The following LYPD6 variants were observed in gnomAD, a reference collection of about 807,000 sequenced individuals.
LYPD6 encodes the protein ly6/PLAUR domain-containing protein 6.
A neutral mutation model predicts 22.7 loss-of-function variants in LYPD6; 15 were observed. The observed-to-expected ratio is 0.66, with a 90% CI of 0.44 to 1.02. The LOEUF is 1.02. Among genes scored for constraint, LYPD6 ranks in the 50% least tolerant of loss-of-function variants. The probability of loss-of-function intolerance (pLI) is 0.00; values close to 1 mark genes in which losing one functional copy is unlikely to be tolerated. For synonymous variants in LYPD6, 72 were observed against 77.5 expected, an observed-to-expected ratio of 0.93 and a Z score of 0.37; for missense variants, 189 against 208.4, an observed-to-expected ratio of 0.91 and a Z score of 0.57.
chr2:149,369,748 C>T (rs1023823956), intron 1 of LYPD6, among the ~76,000 whole-genome samples: 1 of 152,140 alleles, frequency 6.6e-6, no homozygotes, highest in Admixed American at 6.6e-5. Context: ...GCTGACCCAA[C>T]AGAAGGATTG....
downstream of LYPD6, among the ~76,000 whole-genome samples, chr2:149,477,490 G>A (rs1480269998): frequency 5.9e-5 from 9 of 151,932 alleles, no homozygotes; most frequent in Non-Finnish European, 1.3e-4. Context: ...AGACGTGGTG[G>A]CACACACCTG....
At chr2:149,396,462 T>A (rs767542487) in intron 1 of LYPD6, among the ~76,000 whole-genome samples, 28 of 152,100 alleles carry the variant, frequency 1.8e-4, no homozygotes, top group Non-Finnish European at 3.7e-4. Context: ...TGCCTCTTAT[T>A]TCAGAAATCT....
At chr2:149,387,013 CTG>C (rs916047587) in intron 1 of LYPD6, among the ~76,000 whole-genome samples, 1 of 152,146 alleles carries the variant, frequency 6.6e-6, no homozygotes, top group Non-Finnish European at 1.5e-5. Context: ...CCACAGGAAT[CTG>C]TGTCTCCTGG....
chr2:149,359,160 A>T (rs1681522678), intron 1 of LYPD6, among the ~76,000 whole-genome samples: 1 of 152,200 alleles, frequency 6.6e-6, no homozygotes, highest in Non-Finnish European at 1.5e-5. Flanking sequence ...TGGAAAAAAA[A>T]TTAACATTAT....
intron 3 of LYPD6, among the ~76,000 whole-genome samples, chr2:149,460,402 C>T (rs1304344796): frequency 6.6e-6 from 1 of 151,996 alleles, no homozygotes; most frequent in Non-Finnish European, 1.5e-5. Context: ...AACATTATAG[C>T]ATGATTAAAA....
intron 1 of LYPD6, among the ~76,000 whole-genome samples, chr2:149,405,384 A>G (rs1323981695): frequency 6.6e-6 from 1 of 152,048 alleles, no homozygotes; most frequent in Non-Finnish European, 1.5e-5. Context: ...TTGGTTGGTA[A>G]GCTATTGATT....
chr2:149,351,017 G>A (rs1319097276), intron 1 of LYPD6, among the ~76,000 whole-genome samples: 2 of 152,188 alleles, frequency 1.3e-5, no homozygotes, highest in Admixed American at 1.3e-4. Context: ...GTGGGGAGAA[G>A]GAATAAGGAA....
At chr2:149,424,111 A>G (rs1401296058) in intron 1 of LYPD6, among the ~76,000 whole-genome samples, 1 of 135,676 alleles carries the variant, frequency 7.4e-6, no homozygotes, top group Non-Finnish European at 1.5e-5. Context: ...TTCCTGTAGC[A>G]TGCGTACACA....
Position 149,460,006 on chromosome 2 carries a change from G to A in LYPD6, c.218-8639G>A, listed in dbSNP as rs181057092. ...ATTGGTAAAATTATGATGCCAGCAGGATGTGATAAGTTTTGCATATAATTT... is the reference window on the plus strand; with the variant it reads ...ATTGGTAAAATTATGATGCCAGCAGAATGTGATAAGTTTTGCATATAATTT... On this transcript the variant is annotated intron_variant, in intron 3 of 4. Coordinates refer to ENST00000334166, the MANE Select transcript of LYPD6 (RefSeq NM_194317.5). Among the ~76,000 whole-genome samples the A allele has an allele frequency of 6.0e-3, 910 of 152,140 alleles. 5 individuals are homozygous for A. The highest frequency in any genetic ancestry group is 0.021 in the African/African-American group (870 of 41,524).
intron 1 of LYPD6, among the ~76,000 whole-genome samples, chr2:149,387,690 G>A (rs1234563294): frequency 6.6e-6 from 1 of 152,176 alleles, no homozygotes. Context: ...CAATGAGCAC[G>A]AGGTGCTCCC....
At chr2:149,439,196 A>G (rs1258441651) in intron 2 of LYPD6, among the ~76,000 whole-genome samples, 4 of 152,164 alleles carry the variant, frequency 2.6e-5, no homozygotes, top group South Asian at 2.1e-4. Context: ...TAACTCCCAT[A>G]TACTTTTAAT....
At chr2:149,437,898 A>C in intron 2 of LYPD6, 72 bp downstream of exon 2, 1 of 1,544,270 alleles carries the variant, frequency 6.5e-7, no homozygotes, top group Admixed American at 1.7e-5. Context: ...ACTGGCCAGG[A>C]AAAGGCATCC....
chr2:149,448,995 A>G, intron 2 of LYPD6, 54 bp from the exon 3 acceptor site: 10 of 1,319,724 alleles, frequency 7.6e-6, no homozygotes, highest in Non-Finnish European at 1.1e-5. Context: ...TTAACTTCAC[A>G]GGATTCTGTG....
intron 1 of LYPD6, among the ~76,000 whole-genome samples, chr2:149,365,688 A>G (rs1681647491): frequency 6.6e-6 from 1 of 152,218 alleles, no homozygotes; most frequent in African/African-American, 2.4e-5. Context: ...CTAATGAGAA[A>G]AATTAAATAT....
chr2:149,366,233 A>G (rs776719695), intron 1 of LYPD6, among the ~76,000 whole-genome samples: 7 of 152,116 alleles, frequency 4.6e-5, no homozygotes, highest in Non-Finnish European at 7.4e-5. Context: ...ACTTTTTGTC[A>G]TAGCTCTGGG....
rs188256884 is a variant in LYPD6, at chr2:149,341,556, T to C, written c.-72+10834T>C. On this transcript the variant is annotated intron_variant, in intron 1 of 4. Transcript: ENST00000334166. The stretch of plus-strand genomic sequence containing the variant: ...TAATGCCTTTCATAGAGAAAAGCTG[T>C]AAAGATCTGGGGGGAATCACAAAGG... 1.2e-4 allele frequency among the ~76,000 whole-genome samples: 19 copies of C among 152,248 alleles called. No individual in the cohort carries two copies. In the East Asian group the frequency reaches 3.7e-3, roughly 29 times the overall value.
intron 1 of LYPD6, among the ~76,000 whole-genome samples, chr2:149,366,626 T>G (rs1681673062): frequency 6.6e-6 from 1 of 152,110 alleles, no homozygotes; most frequent in Non-Finnish European, 1.5e-5. Context: ...AGAGGAAGGT[T>G]TTCATTCATT....
chr2:149,469,691 C>G (rs1244153753), intron 4 of LYPD6, among the ~76,000 whole-genome samples: 2 of 152,140 alleles, frequency 1.3e-5, no homozygotes, highest in Non-Finnish European at 2.9e-5. Flanking sequence ...TCCCTGACCT[C>G]TCCAGCAAAT....
At chr2:149,405,666 G>A (rs1267579780) in intron 1 of LYPD6, among the ~76,000 whole-genome samples, 1 of 152,064 alleles carries the variant, frequency 6.6e-6, no homozygotes, top group Non-Finnish European at 1.5e-5. Context: ...CAATTTTGTT[G>A]ATCCTTTCAC....
Sources: allele counts gnomAD v4.1 joint callset (sites outside exome capture counted in the v4.1 genomes callset), GRCh38; gene constraint gnomAD v4.1.1; transcripts MANE v1.5; gene names NCBI Gene and HGNC (gene_info 2026-07-23, HGNC 2026-07-21).